The following SBNO1 variants were observed in gnomAD, a reference collection of about 807,000 sequenced individuals.
SBNO1 encodes protein strawberry notch homolog 1.
SBNO1 carries 23 observed loss-of-function variants against 173.6 expected under a neutral mutation model. The ratio of observed to expected loss-of-function variants is 0.13; its 90% confidence interval spans 0.10 to 0.19. The LOEUF (loss-of-function observed/expected upper bound fraction) is 0.19. Among genes scored for constraint, SBNO1 ranks in the 10% least tolerant of loss-of-function variants. The pLI is 1.00. For missense variants in SBNO1, 1,238 were observed against 1,671.2 expected, an observed-to-expected ratio of 0.74 and a Z score of 4.52; for synonymous variants, 632 against 571.5, an observed-to-expected ratio of 1.11 and a Z score of -1.51.
intron 29 of SBNO1, among the ~76,000 whole-genome samples, chr12:123,304,243 C>CT (rs1191658694): frequency 7.9e-5 from 12 of 151,042 alleles, no homozygotes; most frequent in Non-Finnish European, 1.5e-4. Flanking sequence ...AGTAAGTATT[C>CT]TTTTTTTTGA....
chr12:123,345,157 T>A (rs766896125), intron 4 of SBNO1, 101 bp downstream of exon 4: 23 of 1,017,716 alleles, frequency 2.3e-5, no homozygotes, highest in South Asian at 2.2e-4. Context: ...ATAACACCCT[T>A]TTATGGCCAG....
rs1265762826 is a variant in SBNO1, at chr12:123,299,699, AC to A, written c.3846-1529del. ...CTGTCTTCAAAAAAAAAAAAAAAAA[AC>A]AAAAAAGCCAAGTGTGTTGGCGCAT... On this transcript the variant is annotated intron_variant, in intron 30 of 31. Coordinates refer to ENST00000602398, the MANE Select transcript of SBNO1 (RefSeq NM_001167856.3). Among the ~76,000 whole-genome samples the A allele has an allele frequency of 4.8e-3, 718 of 150,630 alleles. 15 individuals carry two copies. The highest frequency in any genetic ancestry group is 0.016 in the African/African-American group (657 of 40,806).
rs1374244507 is a variant in SBNO1 at position 123,308,249 on chromosome 12, G to C, written c.3630+1061C>G. Among the ~76,000 whole-genome samples, 4 of 151,982 alleles carry C rather than the reference G, an allele frequency of 2.6e-5. No individual in the cohort carries two copies. In the East Asian group the frequency reaches 7.7e-4, roughly 29 times the overall value. ...GATGTGTGCGCACACACACCCCTTA[G>C]TTCTGTCCACAGAGACAAATCATAA... On this transcript the variant is annotated intron_variant, in intron 28 of 31. Transcript: ENST00000602398.
In SBNO1 at chr12:123,341,102, A is replaced by C. The variant is rs1448782821; in HGVS notation, c.551-14T>G. ...TGCTTACATCAGCTGAGGAGGAAAA[A>C]GTCAAATTACATTTAGAAGAAAATT... On this transcript the variant is annotated splice_polypyrimidine_tract_variant and intron_variant, in intron 4 of 31. Coordinates refer to ENST00000602398, the MANE Select transcript of SBNO1 (RefSeq NM_001167856.3). 2.2e-6 allele frequency: 3 copies of C among 1,393,274 alleles called. No homozygotes were observed. Among genetic ancestry groups the C allele is most frequent in the Non-Finnish European group, 2.0e-6 (2 of 1,012,856 alleles). 86.3% of individuals were successfully genotyped at this position (1,393,274 alleles called of 1,614,324 possible).
chr12:123,322,217 C>T (rs184168710), intron 16 of SBNO1, among the ~76,000 whole-genome samples: 11 of 152,254 alleles, frequency 7.2e-5, no homozygotes, highest in Admixed American at 2.0e-4. Flanking sequence ...ACTGCAGCCT[C>T]GACTTCCCTG....
chr12:123,331,786 CTGGGATTACA>C (rs1195491739), intron 7 of SBNO1, among the ~76,000 whole-genome samples: 1 of 152,136 alleles, frequency 6.6e-6, no homozygotes, highest in African/African-American at 2.4e-5. Flanking sequence ...TCCCAAAGTG[CTGGGATTACA>C]GGTGTGAGGC....
intron 23 of SBNO1, among the ~76,000 whole-genome samples, chr12:123,314,028 G>A (rs911901806): frequency 6.6e-6 from 1 of 151,942 alleles, no homozygotes; most frequent in Admixed American, 6.6e-5. Flanking sequence ...AGGTTGTAGT[G>A]AGCCGAGATG....
At chr12:123,316,390 A>C (rs1256004906) in intron 21 of SBNO1, among the ~76,000 whole-genome samples, 2 of 151,800 alleles carry the variant, frequency 1.3e-5, no homozygotes, top group African/African-American at 4.8e-5. Context: ...ACGCCCGGCT[A>C]ATTTTGTATT....
chr12:123,347,948 C>T (rs1380630179), intron 3 of SBNO1, 81 bp downstream of exon 3: 9 of 794,190 alleles, frequency 1.1e-5, no homozygotes, highest in Admixed American at 6.2e-5. Context: ...ACTACAGGTG[C>T]GAATCACCAC....
At chr12:123,338,536 A>T (rs1593388256) in intron 5 of SBNO1, among the ~76,000 whole-genome samples, 1 of 151,924 alleles carries the variant, frequency 6.6e-6, no homozygotes, top group Non-Finnish European at 1.5e-5. Context: ...ACAAAAGAAA[A>T]TTAGCAGGGC....
chr12:123,362,737 C>G (rs1212731182), intron 1 of SBNO1, among the ~76,000 whole-genome samples: 2 of 143,200 alleles, frequency 1.4e-5, no homozygotes, highest in African/African-American at 5.3e-5. Context: ...CCACTACACT[C>G]CAGCCTGGGC....
chr12:123,330,872 C>A (rs1259235876), intron 8 of SBNO1, among the ~76,000 whole-genome samples: 3 of 152,106 alleles, frequency 2.0e-5, no homozygotes, highest in Admixed American at 6.6e-5. Flanking sequence ...CTGCAGTGAG[C>A]CATGAATATG....
intron 16 of SBNO1, among the ~76,000 whole-genome samples, chr12:123,323,162 C>T (rs1870200360): frequency 6.6e-6 from 1 of 152,190 alleles, no homozygotes. Context: ...GCTTAACACA[C>T]TGCCAACCAC....
intron 10 of SBNO1, 36 bp from the exon 11 acceptor site, chr12:123,328,063 T>C (rs1311571867): frequency 1.3e-6 from 2 of 1,527,936 alleles, no homozygotes; most frequent in Middle Eastern, 2.1e-4. Flanking sequence ...ATCACATTAG[T>C]ATTAAGTAAG....
At chr12:123,334,921 G>T (rs1449888364) in intron 6 of SBNO1, among the ~76,000 whole-genome samples, 1 of 152,162 alleles carries the variant, frequency 6.6e-6, no homozygotes, top group Admixed American at 6.6e-5. Flanking sequence ...AGGCATGAAG[G>T]TTCATGCTTG....
At chr12:123,346,174 G>A (rs1873110891) in intron 3 of SBNO1, among the ~76,000 whole-genome samples, 1 of 152,142 alleles carries the variant, frequency 6.6e-6, no homozygotes, top group Admixed American at 6.6e-5. Context: ...CCAGCTAATT[G>A]GGAGGGTGAC....
rs2048559987 is a variant in SBNO1, at chr12:123,294,634, C to CAAAAGAAAAAA, written c.*1273_*1274insTTTTTTCTTTT. On this transcript the variant is annotated 3_prime_UTR_variant, in exon 32 of 32. Transcript: ENST00000602398. ...TTTTCAATAGTGCAACCTGTGGAAG[C>CAAAAGAAAAAA]AAAAAAAAAAAAAAAAAAAAAAAAA... 1 of 59,958 alleles carries CAAAAGAAAAAA rather than the reference C, an allele frequency of 1.7e-5. No individual in the cohort carries two copies. Among genetic ancestry groups the CAAAAGAAAAAA allele is most frequent in the Non-Finnish European group, 2.7e-5 (1 of 36,860 alleles). 3.7% of individuals were successfully genotyped at this position (59,958 alleles called of 1,614,324 possible). A position where few individuals can be genotyped will look rare whatever the true frequency, so the allele number is the denominator to read the frequency against.
rs1456390626 is a variant in SBNO1, at chr12:123,295,431, G to C, written c.*477C>G. ...ATGCTTTAATAAACCTATTAAGTTG[G>C]AAAAAGAAACCAATATATATTTTCT... On this transcript the variant is annotated 3_prime_UTR_variant, in exon 32 of 32. Coordinates refer to ENST00000602398, the MANE Select transcript of SBNO1 (RefSeq NM_001167856.3). The C allele has an allele frequency of 6.6e-6, 1 of 152,248 alleles. No individual in the cohort carries two copies. The highest frequency in any genetic ancestry group is 6.5e-5 in the Admixed American group (1 of 15,268). 9.4% of individuals were successfully genotyped at this position (152,248 alleles called of 1,614,324 possible).
At chr12:123,299,285 G>T (rs1298990071) in intron 30 of SBNO1, among the ~76,000 whole-genome samples, 2 of 151,760 alleles carry the variant, frequency 1.3e-5, no homozygotes, top group Non-Finnish European at 2.9e-5. Context: ...GGAGAATGGC[G>T]TGAACCCAGG....
Sources: gnomAD v4.1 joint callset for allele counts (sites outside exome capture counted in the v4.1 genomes callset) on GRCh38, gnomAD v4.1.1 for gene constraint, MANE v1.5 for transcripts, NCBI Gene and HGNC (gene_info 2026-07-23, HGNC 2026-07-21) for gene names.